The following RAB20 variants were observed in gnomAD, a reference collection of about 807,000 sequenced individuals.
RAB20 encodes RAB20, member RAS oncogene family, also known as ras-related protein Rab-20.
A neutral mutation model predicts 3.7 loss-of-function variants in RAB20; 2 were observed. That is an observed-to-expected ratio of 0.54 (90% CI 0.22 to 1.69). The LOEUF is 1.69. Ranked by LOEUF, RAB20 falls within the 40% of genes most tolerant of loss-of-function variation. RAB20 has a pLI of 0.19. For synonymous variants in RAB20, 126 were observed against 130.8 expected, an observed-to-expected ratio of 0.96 and a Z score of 0.25; for missense variants, 276 against 311.9, an observed-to-expected ratio of 0.88 and a Z score of 0.87.
At chr13:110,550,852 T>C (rs182064925) in intron 1 of RAB20, among the ~76,000 whole-genome samples, 1 of 152,270 alleles carries the variant, frequency 6.6e-6, no homozygotes, top group Non-Finnish European at 1.5e-5. Context: ...TTTTAATAGA[T>C]TTGCAATGAT....
In RAB20 at chr13:110,554,856, A is replaced by T. The variant is rs373857135; in HGVS notation, c.172+6492T>A. On this transcript the variant is annotated intron_variant, in intron 1 of 1. Transcript: ENST00000267328. Reference sequence around the variant, plus strand: ...ACCCATCACGAGCCTTTCCTTGAAAAATCCTTGCATTTCGGCTTGGGAGGG... The same window carrying T: ...ACCCATCACGAGCCTTTCCTTGAAATATCCTTGCATTTCGGCTTGGGAGGG... Among the ~76,000 whole-genome samples the T allele has an allele frequency of 4.6e-5, 7 of 152,208 alleles. No homozygotes were observed. In the East Asian group the frequency reaches 5.8e-4, roughly 13 times the overall value.
intron 1 of RAB20, among the ~76,000 whole-genome samples, chr13:110,556,698 T>A (rs1448622122): frequency 6.6e-6 from 1 of 152,116 alleles, no homozygotes; most frequent in Non-Finnish European, 1.5e-5. Context: ...TACACCTGGC[T>A]AACTTCTTTA....
At chr13:110,537,388 GA>G (rs1884666292) in intron 1 of RAB20, among the ~76,000 whole-genome samples, 1 of 151,920 alleles carries the variant, frequency 6.6e-6, no homozygotes, top group Admixed American at 6.6e-5. Flanking sequence ...TACACAACAA[GA>G]AGTTGTCCAG....
rs181365102 is a variant in RAB20, at chr13:110,531,587, C to T, written c.173-7390G>A. ...AGGGTGGCTGAGAAAGCAGAATCTG[C>T]ACACAGGTGAACTGGCTGGAGCTGC... is the stretch of plus-strand genomic sequence containing the variant. On this transcript the variant is annotated intron_variant, in intron 1 of 1. Coordinates refer to ENST00000267328, the MANE Select transcript of RAB20 (RefSeq NM_017817.3). 2.0e-5 allele frequency among the ~76,000 whole-genome samples: 3 copies of T among 152,298 alleles called. No homozygotes were observed. The East Asian group carries it at 5.8e-4, about 29-fold the overall frequency.
chr13:110,539,098 T>A (rs1397627676), intron 1 of RAB20, among the ~76,000 whole-genome samples: 6 of 152,236 alleles, frequency 3.9e-5, no homozygotes, highest in Non-Finnish European at 7.3e-5. Context: ...CCTTATTTTT[T>A]AAATAAGCTA....
chr13:110,553,769 C>T (rs371869007), intron 1 of RAB20, among the ~76,000 whole-genome samples: 71 of 152,286 alleles, frequency 4.7e-4, no homozygotes, highest in Admixed American at 7.2e-4. Flanking sequence ...CACTCAGAAG[C>T]CTCTCCCGAC....
chr13:110,536,695 C>G (rs1001765928), intron 1 of RAB20, among the ~76,000 whole-genome samples: 1 of 112,848 alleles, frequency 8.9e-6, no homozygotes, highest in African/African-American at 3.5e-5. Flanking sequence ...ATCACATGCA[C>G]AGGAATATCT....
At chr13:110,537,165 A>T (rs28404829) in intron 1 of RAB20, among the ~76,000 whole-genome samples, 12 of 146,980 alleles carry the variant, frequency 8.2e-5, no homozygotes, top group East Asian at 2.0e-4. Context: ...TTTTATTTTT[A>T]TTTTTTTTTT....
Position 110,523,471 on chromosome 13 carries a change from T to A in RAB20, c.*194A>T. The A allele has an allele frequency of 8.9e-4, 778 of 877,942 alleles. No homozygotes were observed. Among genetic ancestry groups the A allele is most frequent in the Non-Finnish European group, 1.2e-3 (720 of 593,790 alleles). The allele number at this position is 877,942 out of a possible 1,614,324, so 54.4% of individuals were successfully genotyped here. A position where few individuals can be genotyped will look rare whatever the true frequency, so the allele number is the denominator to read the frequency against. ...TTCCTGTTTCCCACCTCCCCACCCCTCTGACAGAGACTGAGGAGACCACAC... is the reference window on the plus strand; with the variant it reads ...TTCCTGTTTCCCACCTCCCCACCCCACTGACAGAGACTGAGGAGACCACAC... On this transcript the variant is annotated 3_prime_UTR_variant, in exon 2 of 2. Coordinates refer to ENST00000267328, the MANE Select transcript of RAB20 (RefSeq NM_017817.3).
At chr13:110,534,175 A>C (rs1215092015) in intron 1 of RAB20, among the ~76,000 whole-genome samples, 2 of 152,224 alleles carry the variant, frequency 1.3e-5, no homozygotes, top group Non-Finnish European at 2.9e-5. Context: ...TCGTCTAATC[A>C]GCTGATGGCC....
chr13:110,531,192 G>A (rs1884534238), intron 1 of RAB20, among the ~76,000 whole-genome samples: 1 of 152,184 alleles, frequency 6.6e-6, no homozygotes, highest in Non-Finnish European at 1.5e-5. Flanking sequence ...GTGGAGCCCT[G>A]AGAAGCACGC....
chr13:110,539,143 G>A (rs1339585184), intron 1 of RAB20, among the ~76,000 whole-genome samples: 1 of 152,210 alleles, frequency 6.6e-6, no homozygotes, highest in Non-Finnish European at 1.5e-5. Context: ...GTAGTTGCTT[G>A]CATTTATAGT....
chr13:110,525,566 C>T (rs1353765377), intron 1 of RAB20, among the ~76,000 whole-genome samples: 1 of 152,240 alleles, frequency 6.6e-6, no homozygotes, highest in Non-Finnish European at 1.5e-5. Flanking sequence ...GAATTCTGAA[C>T]CCCTGTCTGT....
chr13:110,543,206 G>A (rs1264116979), intron 1 of RAB20, among the ~76,000 whole-genome samples: 3 of 151,980 alleles, frequency 2.0e-5, no homozygotes, highest in Non-Finnish European at 4.4e-5. Context: ...GTGTGATCTT[G>A]GCTCACTGTA....
intron 1 of RAB20, among the ~76,000 whole-genome samples, chr13:110,536,497 C>T (rs919221402): frequency 2.0e-5 from 3 of 152,148 alleles, no homozygotes; most frequent in Non-Finnish European, 2.9e-5. Flanking sequence ...TTCCTCTCCC[C>T]GAGGAAAGCC....
chr13:110,547,073 T>G (rs774261430), intron 1 of RAB20, among the ~76,000 whole-genome samples: 2 of 152,080 alleles, frequency 1.3e-5, no homozygotes, highest in Admixed American at 6.6e-5. Flanking sequence ...CAATAGAAAG[T>G]GTTCCTCCTT....
chr13:110,548,382 G>A (rs1257422085), intron 1 of RAB20, among the ~76,000 whole-genome samples: 3 of 152,112 alleles, frequency 2.0e-5, no homozygotes, highest in South Asian at 2.1e-4. Context: ...TTCTCGGGAG[G>A]CTGAGGCAGG....
chr13:110,540,177 CA>C (rs1884733076), intron 1 of RAB20, among the ~76,000 whole-genome samples: 2 of 152,194 alleles, frequency 1.3e-5, no homozygotes, highest in Admixed American at 6.5e-5. Flanking sequence ...AGGCAAGTCC[CA>C]AAAAATACAC....
intron 1 of RAB20, among the ~76,000 whole-genome samples, chr13:110,529,841 G>T (rs1884499775): frequency 6.6e-6 from 1 of 152,184 alleles, no homozygotes; most frequent in East Asian, 1.9e-4. Context: ...TGGGGCTCTA[G>T]GTTCGACTTG....
Sources: gnomAD v4.1 joint callset for allele counts (sites outside exome capture counted in the v4.1 genomes callset) on GRCh38, gnomAD v4.1.1 for gene constraint, MANE v1.5 for transcripts, NCBI Gene and HGNC (gene_info 2026-07-23, HGNC 2026-07-21) for gene names.